The following WDPCP variants were observed in gnomAD, a reference collection of about 807,000 sequenced individuals.
The protein encoded by WDPCP is WD repeat containing planar cell polarity effector.
WDPCP carries 71 observed loss-of-function variants against 93.1 expected under a neutral mutation model. The ratio of observed to expected loss-of-function variants is 0.76; its 90% CI spans 0.63 to 0.93. The LOEUF (loss-of-function observed/expected upper bound fraction) is 0.93. WDPCP is among the 40% of genes least tolerant of loss of function. The pLI is 0.00. For missense variants in WDPCP, 844 were observed against 887.4 expected (o/e 0.95, Z 0.62); for synonymous variants, 315 against 315.0 (o/e 1.00, Z 0.00).
At position 63,174,651 on chromosome 2, in the gene WDPCP, T is replaced by G. The variant is rs371652879; in HGVS notation, c.2078+19A>C. ...CTAAATACTTTATGGAGCAATTTCC[T>G]CAGTTCAACATTTCTTACCTGTTAG... is the stretch of plus-strand genomic sequence containing the variant. On this transcript the variant is annotated intron_variant, in intron 15 of 17. Coordinates refer to ENST00000272321, the MANE Select transcript of WDPCP (RefSeq NM_015910.7). 17 of 1,613,552 alleles carry G rather than the reference T, an allele frequency of 1.1e-5. No homozygotes were observed. The African/African-American group carries it at 2.1e-4, about 20-fold the overall frequency.
chr2:63,305,393 C>T (rs951305952), intron 13 of WDPCP, among the ~76,000 whole-genome samples: 2 of 152,106 alleles, frequency 1.3e-5, no homozygotes, highest in Non-Finnish European at 2.9e-5. Flanking sequence ...GAACAGGCAG[C>T]GATCTTTGCT....
chr2:63,461,181 T>C (rs1041603724), intron 6 of WDPCP, among the ~76,000 whole-genome samples: 3 of 152,084 alleles, frequency 2.0e-5, no homozygotes, highest in South Asian at 2.1e-4. Context: ...CCTGGTGATA[T>C]AGTTTGGATA....
intron 6 of WDPCP, among the ~76,000 whole-genome samples, chr2:63,466,237 A>T (rs1439532586): frequency 6.6e-6 from 1 of 152,158 alleles, no homozygotes; most frequent in East Asian, 1.9e-4. Flanking sequence ...ATGAGTAGTT[A>T]TAACTGCTTT....
intron 3 of WDPCP, among the ~76,000 whole-genome samples, chr2:63,601,363 G>C (rs1463520819): frequency 6.6e-6 from 1 of 152,176 alleles, no homozygotes; most frequent in Non-Finnish European, 1.5e-5. Context: ...TGCAGAACTT[G>C]CCTGTGTATT....
At chr2:63,651,695 A>G (rs2106634694) in intron 2 of WDPCP, among the ~76,000 whole-genome samples, 1 of 152,322 alleles carries the variant, frequency 6.6e-6, no homozygotes, top group East Asian at 1.9e-4. Flanking sequence ...GAGGGTAATC[A>G]TTACTTAAAG....
intron 2 of WDPCP, among the ~76,000 whole-genome samples, chr2:63,695,880 T>A (rs1018422408): frequency 6.6e-6 from 1 of 152,150 alleles, no homozygotes; most frequent in African/African-American, 2.4e-5. Context: ...ATTTCACAAC[T>A]ATTTTTATCT....
chr2:63,464,084 T>C (rs1699196347), intron 6 of WDPCP, among the ~76,000 whole-genome samples: 1 of 152,032 alleles, frequency 6.6e-6, no homozygotes, highest in African/African-American at 2.4e-5. Context: ...AAAGGTAACC[T>C]ACAGAATGGG....
rs186729415 is a variant in WDPCP at position 63,146,439 on chromosome 2, G to A, written c.2190+6475C>T. On this transcript the variant is annotated intron_variant, in intron 17 of 17. Coordinates refer to ENST00000272321, the MANE Select transcript of WDPCP (RefSeq NM_015910.7). The stretch of plus-strand genomic sequence containing the variant: ...TTTTTTTTTTTGACAGAGTCTTGCT[G>A]TATTGCCCAGGCTGGAGTGCAGTCG... 3.3e-3 allele frequency among the ~76,000 whole-genome samples: 447 copies of A among 134,096 alleles called. 2 individuals are homozygous for A. Among genetic ancestry groups the A allele is most frequent in the African/African-American group, 0.012 (441 of 36,040 alleles). 88.0% of individuals were successfully genotyped at this position (134,096 alleles called of 152,430 possible).
At chr2:63,442,392 G>A (rs1216311865) in intron 6 of WDPCP, 3 of 152,096 alleles carry the variant, frequency 2.0e-5, no homozygotes, top group Non-Finnish European at 4.4e-5. Context: ...ACCATTAATT[G>A]TAGGATGCTG....
chr2:63,440,171 T>A, intron 6 of WDPCP: 1 of 275,484 alleles, frequency 3.6e-6, no homozygotes, highest in African/African-American at 2.2e-5. Flanking sequence ...TATGCAGACA[T>A]AACTGCTTTG....
At chr2:63,606,859 C>A in intron 3 of WDPCP, 1 of 1,595,198 alleles carries the variant, frequency 6.3e-7, no homozygotes, top group Non-Finnish European at 8.5e-7. Flanking sequence ...TATTTTCAAA[C>A]AGAATAAGAC....
At chr2:63,515,529 A>C (rs1329684917) in intron 1 of WDPCP, among the ~76,000 whole-genome samples, 2 of 152,192 alleles carry the variant, frequency 1.3e-5, no homozygotes, top group African/African-American at 2.4e-5. Flanking sequence ...TAATTTAAAT[A>C]ACTGATTGTG....
At chr2:63,424,934 C>T (rs1696152929) in intron 9 of WDPCP, among the ~76,000 whole-genome samples, 1 of 152,236 alleles carries the variant, frequency 6.6e-6, no homozygotes, top group South Asian at 2.1e-4. Context: ...TCCCCCTACA[C>T]CACAGAGAGA....
At chr2:63,802,770 C>T (rs924129196) in intron 2 of WDPCP, among the ~76,000 whole-genome samples, 3 of 152,098 alleles carry the variant, frequency 2.0e-5, no homozygotes, top group Admixed American at 6.5e-5. Flanking sequence ...TATTATGTTT[C>T]TTCCAGCTAA....
chr2:63,722,145 C>T (rs1319180665), intron 2 of WDPCP, among the ~76,000 whole-genome samples: 2 of 151,868 alleles, frequency 1.3e-5, no homozygotes, highest in South Asian at 2.1e-4. Flanking sequence ...TCTGCCCGGC[C>T]GCCACCCCGT....
At position 63,121,648 on chromosome 2, in the gene WDPCP, G is replaced by A; in HGVS notation, c.*358C>T. 8.2e-6 allele frequency: 2 copies of A among 242,998 alleles called. No homozygotes were observed. Among genetic ancestry groups the A allele is most frequent in the Non-Finnish European group, 1.6e-5 (2 of 128,226 alleles). 15.1% of individuals were successfully genotyped at this position (242,998 alleles called of 1,614,324 possible). A position where few individuals can be genotyped will look rare whatever the true frequency, so the allele number is the denominator to read the frequency against. On this transcript the variant is annotated 3_prime_UTR_variant, in exon 18 of 18. Transcript: ENST00000272321. ...GCCTCCTAAAGCACTGGGACTACAG[G>A]CATGAGCACTATGCCTGCCCCCTAC...
intron 14 of WDPCP, among the ~76,000 whole-genome samples, chr2:63,220,967 T>C (rs1448117398): frequency 6.6e-6 from 1 of 152,226 alleles, no homozygotes; most frequent in Non-Finnish European, 1.5e-5. Flanking sequence ...TGGTTTTCTG[T>C]TCCTGCATTA....
intron 6 of WDPCP, among the ~76,000 whole-genome samples, chr2:63,471,457 T>G (rs1699685200): frequency 6.6e-6 from 1 of 152,158 alleles, no homozygotes; most frequent in Non-Finnish European, 1.5e-5. Context: ...AGCCAAGAAT[T>G]TTTAATTGGT....
rs144856871 is a variant in WDPCP at position 63,742,276 on chromosome 2, A to C, written n.308+71346T>G. Among the ~76,000 whole-genome samples the C allele has an allele frequency of 1.1e-3, 173 of 152,128 alleles. 1 individual carries two copies. The highest frequency in any genetic ancestry group is 3.9e-3 in the African/African-American group (164 of 41,534). ...AAGGAAGGGAGGGAGGAAGGAAGGA[A>C]GGGAGAGAGGGAGGAAGGAAGGGAG... On this transcript the variant is annotated intron_variant and non_coding_transcript_variant, in intron 2 of 4. Coordinates refer to the WDPCP transcript ENST00000467687.
Sources: gnomAD v4.1 joint callset for allele counts (sites outside exome capture counted in the v4.1 genomes callset) on GRCh38, gnomAD v4.1.1 for gene constraint, MANE v1.5 for transcripts, NCBI Gene and HGNC (gene_info 2026-07-23, HGNC 2026-07-21) for gene names.